RNF141: variants seen among roughly 807,000 people sequenced by gnomAD.
RNF141 encodes ring finger protein 141, also known as C3HC4-like zinc finger protein.
RNF141 carries 18 observed loss-of-function variants against 27.4 expected under a neutral mutation model. The ratio of observed to expected loss-of-function variants is 0.66; its 90% CI spans 0.45 to 0.97. The LOEUF is 0.97. Among genes scored for constraint, RNF141 ranks in the 50% least tolerant of loss-of-function variants. The pLI, the probability that RNF141 is intolerant of heterozygous loss-of-function variation, is 0.00. For synonymous variants in RNF141, 97 were observed against 96.6 expected (o/e 1.00, Z -0.02); for missense variants, 230 against 279.4 (o/e 0.82, Z 1.26).
intron 2 of RNF141, among the ~76,000 whole-genome samples, 169 bp downstream of exon 2, chr11:10,533,847 C>T (rs1309627262): frequency 1.3e-5 from 2 of 152,054 alleles, no homozygotes; most frequent in African/African-American, 4.8e-5. Flanking sequence ...TTTTAAAAAG[C>T]TACATAGAAA....
intron 5 of RNF141, chr11:10,516,363 G>A (rs568318785): frequency 6.6e-6 from 1 of 152,280 alleles, no homozygotes; most frequent in East Asian, 1.9e-4. Context: ...GTGATCCCTG[G>A]GACATGGGAG....
At position 10,519,087 on chromosome 11, in the gene RNF141, A is replaced by G. The variant is rs151017703; in HGVS notation, c.489T>C (p.Ala163=). 923 of 1,614,086 alleles carry G rather than the reference A, an allele frequency of 5.7e-4. 2 individuals carry two copies. In the African/African-American group the frequency reaches 9.6e-3, roughly 17 times the overall value. Reference sequence around the variant, plus strand: ...TGTGAGCACAAGGCAGGATGAGGTCAGCCCGCCCATCCATACAGATACAAC... The same window carrying G: ...TGTGAGCACAAGGCAGGATGAGGTCGGCCCGCCCATCCATACAGATACAAC... ...EECCICMDGR[A]DLILPCAHSF... Residue 163 remains alanine, a synonymous_variant, in exon 5 of 6, where the codon GCT becomes GCC. Coordinates refer to ENST00000265981, the MANE Select transcript of RNF141 (RefSeq NM_016422.4).
chr11:10,528,577 T>C (rs1363100566), intron 3 of RNF141, among the ~76,000 whole-genome samples: 1 of 152,210 alleles, frequency 6.6e-6, no homozygotes, highest in African/African-American at 2.4e-5. Context: ...AAGCCTGATA[T>C]ATTCGTATTC....
In RNF141 at chr11:10,539,699, T is replaced by TATATATATATATATATATATATATATA. The variant is rs56298076; in HGVS notation, c.-48+1422_-48+1423insTATATATATATATATATATATATATAT. On this transcript the variant is annotated intron_variant, in intron 1 of 5. Coordinates refer to ENST00000265981, the MANE Select transcript of RNF141 (RefSeq NM_016422.4). ...TCAGAAAAAGATACATACATATATATTAGAGAGAGAAGGAGAGAGAAACTA... is the reference window on the plus strand; with the variant it reads ...TCAGAAAAAGATACATACATATATATATATATATATATATATATATATATATATAGAGAGAGAAGGAGAGAGAAACTA... Among the ~76,000 whole-genome samples, 43 of 73,668 alleles carry TATATATATATATATATATATATATATA rather than the reference T, an allele frequency of 5.8e-4. 6 individuals are homozygous for TATATATATATATATATATATATATATA. Among genetic ancestry groups the TATATATATATATATATATATATATATA allele is most frequent in the Middle Eastern group, 6.5e-3 (1 of 154 alleles). The allele number at this position is 73,668 out of a possible 152,430, so 48.3% of individuals were successfully genotyped here. A position where few individuals can be genotyped will look rare whatever the true frequency, so the allele number is the denominator to read the frequency against.
chr11:10,520,516 T>C (rs1229827617), intron 4 of RNF141, among the ~76,000 whole-genome samples: 1 of 152,234 alleles, frequency 6.6e-6, no homozygotes, highest in East Asian at 1.9e-4. Flanking sequence ...TCTCCTTTGA[T>C]AACAATGCCT....
At chr11:10,533,810 T>C (rs529578086) in intron 2 of RNF141, among the ~76,000 whole-genome samples, 2 of 152,262 alleles carry the variant, frequency 1.3e-5, no homozygotes, top group African/African-American at 4.8e-5. Flanking sequence ...TTAAGTTCTT[T>C]CCATATCTTC....
intron 5 of RNF141, among the ~76,000 whole-genome samples, chr11:10,517,955 T>C (rs1451889177): frequency 6.6e-6 from 1 of 151,780 alleles, no homozygotes; most frequent in African/African-American, 2.4e-5. Flanking sequence ...CATAAAACTA[T>C]GAAATACTTG....
At chr11:10,539,687 C>CATATATATATAT (rs1330301830) in intron 1 of RNF141, among the ~76,000 whole-genome samples, 4 of 50,886 alleles carry the variant, frequency 7.9e-5, no homozygotes, top group African/African-American at 1.4e-4. Context: ...GAAAAAGATA[C>CATATATATATAT]ATACATATAT....
chr11:10,536,148 T>C (rs138606542), intron 1 of RNF141, among the ~76,000 whole-genome samples: 21 of 152,276 alleles, frequency 1.4e-4, no homozygotes, highest in Non-Finnish European at 3.1e-4. Context: ...GGACTTGACC[T>C]AGTTTTGTAT....
intron 4 of RNF141, among the ~76,000 whole-genome samples, chr11:10,519,633 T>C (rs531383026): frequency 1.5e-5 from 2 of 130,576 alleles, no homozygotes; most frequent in African/African-American, 5.1e-5. Flanking sequence ...CTATTGCTTC[T>C]AGGCTACAAA....
chr11:10,530,071 C>T (rs1442720981), intron 3 of RNF141, among the ~76,000 whole-genome samples: 6 of 152,038 alleles, frequency 3.9e-5, no homozygotes, highest in African/African-American at 1.4e-4. Flanking sequence ...AGGAGGTGGC[C>T]TAATAAAATT....
intron 4 of RNF141, among the ~76,000 whole-genome samples, chr11:10,523,587 T>G (rs1849906681): frequency 6.6e-6 from 1 of 152,202 alleles, no homozygotes; most frequent in Non-Finnish European, 1.5e-5. Context: ...GAAAGTCTCT[T>G]TCTGTGAACT....
chr11:10,537,188 G>T (rs1163471748), intron 1 of RNF141, among the ~76,000 whole-genome samples: 6 of 152,174 alleles, frequency 3.9e-5, no homozygotes, highest in Non-Finnish European at 2.9e-5. Flanking sequence ...GGAAATGGCT[G>T]CTACATGTGA....
chr11:10,519,299 T>C (rs1438594048), intron 4 of RNF141, among the ~76,000 whole-genome samples, 158 bp from the exon 5 acceptor site: 1 of 152,162 alleles, frequency 6.6e-6, no homozygotes, highest in African/African-American at 2.4e-5. Flanking sequence ...TATTATCTTT[T>C]AGGGATAGCA....
Position 10,526,492 on chromosome 11 carries a change from T to G in RNF141, c.253-1119A>C, listed in dbSNP as rs538074296. On this transcript the variant is annotated intron_variant, in intron 3 of 5. Coordinates refer to ENST00000265981, the MANE Select transcript of RNF141 (RefSeq NM_016422.4). ...GGAAAAAAATACTGAGACTCAAGAA[T>G]GAGTCATGCGGCCAGGCACGGTGGC... Among the ~76,000 whole-genome samples, 97 of 152,248 alleles carry G rather than the reference T, an allele frequency of 6.4e-4. 1 individual carries two copies. The highest frequency in any genetic ancestry group is 1.0e-4 in the Non-Finnish European group (7 of 68,012).
chr11:10,536,676 C>G (rs996495647), intron 1 of RNF141, among the ~76,000 whole-genome samples: 1 of 152,152 alleles, frequency 6.6e-6, no homozygotes, highest in Non-Finnish European at 1.5e-5. Flanking sequence ...GTTGCCCAGT[C>G]TGGTAACAAA....
At chr11:10,517,104 T>C (rs1849848913) in intron 5 of RNF141, 1 of 148,876 alleles carries the variant, frequency 6.7e-6, no homozygotes, top group Non-Finnish European at 1.5e-5. Flanking sequence ...GCAGATAAAA[T>C]GGAAAGTTAT....
chr11:10,528,864 C>A (rs942024707), intron 3 of RNF141, among the ~76,000 whole-genome samples: 1 of 152,154 alleles, frequency 6.6e-6, no homozygotes, highest in Non-Finnish European at 1.5e-5. Context: ...CAGGAGCTTA[C>A]TCTCTAAAGG....
intron 1 of RNF141, among the ~76,000 whole-genome samples, chr11:10,540,458 C>G (rs983783599): frequency 4.0e-5 from 6 of 150,618 alleles, no homozygotes; most frequent in South Asian, 2.1e-4. Flanking sequence ...AACACAGAAG[C>G]CTTCTGCTCC....
Sources: gnomAD v4.1 joint callset for allele counts (sites outside exome capture counted in the v4.1 genomes callset) on GRCh38, gnomAD v4.1.1 for gene constraint, MANE v1.5 for transcripts, NCBI Gene and HGNC (gene_info 2026-07-23, HGNC 2026-07-21) for gene names.